Variants in NSUN7 observed in about 807,000 individuals in gnomAD.
The protein encoded by NSUN7 is protein NSUN7.
A neutral mutation model predicts 58.5 loss-of-function variants in NSUN7; 39 were observed. The observed-to-expected ratio is 0.67, with a 90% confidence interval of 0.52 to 0.87. The LOEUF (loss-of-function observed/expected upper bound fraction) is 0.87. Ranked by LOEUF, NSUN7 falls within the 40% of genes least tolerant of loss-of-function variation. The pLI is 0.00. For synonymous variants in NSUN7, 278 were observed against 303.7 expected, an observed-to-expected ratio of 0.92 and a Z score of 0.88; for missense variants, 765 against 844.1, an observed-to-expected ratio of 0.91 and a Z score of 1.16.
chr4:40,791,923 C>T (rs910851299), intron 8 of NSUN7, among the ~76,000 whole-genome samples: 4 of 152,142 alleles, frequency 2.6e-5, no homozygotes, highest in African/African-American at 4.8e-5. Context: ...TGCTTATGGT[C>T]ATGTAGCTAG....
rs1298036805 is a variant in NSUN7, at chr4:40,809,994, CTTA to C, written c.*1061_*1063del. 2 of 152,090 alleles carry C rather than the reference CTTA, an allele frequency of 1.3e-5. No individual in the cohort carries two copies. The highest frequency in any genetic ancestry group is 2.4e-5 in the African/African-American group (1 of 41,396). The allele number at this position is 152,090 out of a possible 1,614,324, so 9.4% of individuals were successfully genotyped here. A position where few individuals can be genotyped will look rare whatever the true frequency, so the allele number is the denominator to read the frequency against. On this transcript the variant is annotated 3_prime_UTR_variant, in exon 12 of 12. Coordinates refer to ENST00000381782, the MANE Select transcript of NSUN7 (RefSeq NM_024677.6). ...ATAGAATTAAGATACAACTATATAT[CTTA>C]TTATTTAAAAACATTCATAGACATA...
intron 7 of NSUN7, among the ~76,000 whole-genome samples, chr4:40,780,809 ATATATTTTTTTTTT>A (rs1194947107): frequency 1.0e-5 from 1 of 99,434 alleles, no homozygotes; most frequent in African/African-American, 3.9e-5. Context: ...ATATATATAT[ATATATTTTTTTTTT>A]TTTTTTTTTT....
chr4:40,788,372 G>T (rs1742929786), intron 7 of NSUN7, among the ~76,000 whole-genome samples: 1 of 152,160 alleles, frequency 6.6e-6, no homozygotes, highest in African/African-American at 2.4e-5. Flanking sequence ...AAATCTAAAA[G>T]CCAATTCCTG....
At chr4:40,798,025 G>A (rs1216750709) in intron 9 of NSUN7, among the ~76,000 whole-genome samples, 1 of 152,092 alleles carries the variant, frequency 6.6e-6, no homozygotes, top group African/African-American at 2.4e-5. Context: ...TCTCCATCTA[G>A]TCTACCCACA....
chr4:40,792,527 G>A (rs973453623), intron 8 of NSUN7, among the ~76,000 whole-genome samples: 7 of 151,964 alleles, frequency 4.6e-5, no homozygotes, highest in African/African-American at 1.5e-4. Context: ...CGAGGAGGGC[G>A]GATCACGAGG....
intron 1 of NSUN7, 140 bp from the exon 2 acceptor site, chr4:40,750,460 TGAG>T: frequency 3.3e-6 from 1 of 301,482 alleles, no homozygotes; most frequent in Non-Finnish European, 6.0e-6. Context: ...TTTTTTTTTT[TGAG>T]CGTCCCAGGC....
intron 2 of NSUN7, among the ~76,000 whole-genome samples, chr4:40,754,881 A>G (rs2465564): frequency 0.37 from 56,169 of 151,996 alleles, 10,852 homozygotes; most frequent in Admixed American, 0.5. Flanking sequence ...TGTATATAAG[A>G]TCTTTCAAGA....
intron 4 of NSUN7, among the ~76,000 whole-genome samples, chr4:40,764,695 A>G (rs900061899): frequency 4.6e-5 from 7 of 152,318 alleles, no homozygotes; most frequent in Middle Eastern, 3.4e-3. Context: ...CAGTCCCACC[A>G]ACAGTGTTAA....
intron 2 of NSUN7, among the ~76,000 whole-genome samples, chr4:40,756,560 G>A (rs1488146003): frequency 2.0e-5 from 3 of 152,196 alleles, no homozygotes. Flanking sequence ...AATAATAAGA[G>A]GAAGGCAGCA....
intron 7 of NSUN7, among the ~76,000 whole-genome samples, chr4:40,788,558 C>G (rs1385792553): frequency 6.6e-6 from 1 of 152,214 alleles, no homozygotes; most frequent in Non-Finnish European, 1.5e-5. Flanking sequence ...GAACTGTACT[C>G]TGATTCTCCG....
At chr4:40,780,754 T>TACACACACACACACAC (rs796117262) in intron 7 of NSUN7, among the ~76,000 whole-genome samples, 1 of 104,254 alleles carries the variant, frequency 9.6e-6, no homozygotes, top group East Asian at 2.9e-4. Flanking sequence ...AACATTGAAA[T>TACACACACACACACAC]ACACACACAC....
chr4:40,753,431 G>A (rs866650429), intron 2 of NSUN7, among the ~76,000 whole-genome samples: 17 of 151,954 alleles, frequency 1.1e-4, no homozygotes, highest in African/African-American at 3.1e-4. Context: ...CTGCCACCAC[G>A]CCTGGCTAAT....
Position 40,767,801 on chromosome 4 carries a change from T to G in NSUN7, c.489-6464T>G, listed in dbSNP as rs529424455. On this transcript the variant is annotated intron_variant, in intron 4 of 11. Coordinates refer to ENST00000381782, the MANE Select transcript of NSUN7 (RefSeq NM_024677.6). ...TATCTCTTTATCTTTTTATCTCTGC[T>G]TCTCTCGTAGTATCTGCTTCATTTT... 2.6e-5 allele frequency among the ~76,000 whole-genome samples: 4 copies of G among 152,350 alleles called. No homozygotes were observed. In the South Asian group the frequency reaches 8.3e-4, roughly 32 times the overall value.
chr4:40,771,087 ATTAG>A (rs1358518087), intron 4 of NSUN7, among the ~76,000 whole-genome samples: 3 of 152,156 alleles, frequency 2.0e-5, no homozygotes, highest in Non-Finnish European at 2.9e-5. Context: ...AAAATGGCAT[ATTAG>A]TTAAGATGAT....
Position 40,794,460 on chromosome 4 carries a change from A to G in NSUN7, c.1266A>G (p.Leu422=). ...TTGCTCAACAGCAGTATGAACAGCT[A>G]ACACATGCAATGAAATGTAAGGTTG... ...HVLAQQQYEQ[L]THAMKFTKAQ... Residue 422 remains leucine (L), a synonymous_variant, in exon 9 of 12, where the codon CTA becomes CTG. Transcript: ENST00000381782. 1 of 1,606,636 alleles carries G rather than the reference A, an allele frequency of 6.2e-7. No individual in the cohort carries two copies. The highest frequency in any genetic ancestry group is 8.5e-7 in the Non-Finnish European group (1 of 1,173,714).
intron 1 of NSUN7, 111 bp from the exon 2 acceptor site, chr4:40,750,492 A>C: frequency 1.9e-6 from 1 of 531,186 alleles, no homozygotes; most frequent in South Asian, 2.3e-5. Flanking sequence ...TGGGACACTC[A>C]GATGGGACGG....
intron 8 of NSUN7, 99 bp from the exon 9 acceptor site, chr4:40,794,276 T>TA (rs570979086): frequency 1.8e-6 from 1 of 544,010 alleles, no homozygotes; most frequent in Non-Finnish European, 3.2e-6. Flanking sequence ...GAAACACTTT[T>TA]ATTGGTAGGC....
At chr4:40,781,747 G>A (rs1180353509) in intron 7 of NSUN7, among the ~76,000 whole-genome samples, 1 of 152,042 alleles carries the variant, frequency 6.6e-6, no homozygotes, top group Non-Finnish European at 1.5e-5. Flanking sequence ...TGCCCGGTCA[G>A]TCTTGGATTT....
At chr4:40,782,952 G>A (rs1742646253) in intron 7 of NSUN7, among the ~76,000 whole-genome samples, 1 of 152,124 alleles carries the variant, frequency 6.6e-6, no homozygotes, top group South Asian at 2.1e-4. Context: ...ATATTAAATT[G>A]ATCTACAGAT....
Sources: gnomAD v4.1 joint callset for allele counts (sites outside exome capture counted in the v4.1 genomes callset) on GRCh38, gnomAD v4.1.1 for gene constraint, MANE v1.5 for transcripts, NCBI Gene and HGNC (gene_info 2026-07-23, HGNC 2026-07-21) for gene names.